MDGA2: variants seen among roughly 807,000 people sequenced by gnomAD.
The protein encoded by MDGA2 is MAM domain-containing glycosylphosphatidylinositol anchor protein 2.
MDGA2 carries 40 observed loss-of-function variants against 117.8 expected under a neutral mutation model. The observed-to-expected ratio is 0.34, with a 90% CI of 0.26 to 0.44. The LOEUF (loss-of-function observed/expected upper bound fraction) is 0.44. Among genes scored for constraint, MDGA2 ranks in the 20% least tolerant of loss-of-function variants. MDGA2 has a pLI of 1.00. For missense variants in MDGA2, 1,123 were observed against 1,250.6 expected (o/e 0.90, Z 1.54); for synonymous variants, 452 against 439.0 (o/e 1.03, Z -0.37).
chr14:47,247,209 A>G (rs1337797626), intron 2 of MDGA2, among the ~76,000 whole-genome samples: 1 of 151,668 alleles, frequency 6.6e-6, no homozygotes, highest in African/African-American at 2.4e-5. Context: ...TAAGGGTAGT[A>G]TTTAAACGAA....
At chr14:47,447,439 C>T (rs972671617) in intron 1 of MDGA2, among the ~76,000 whole-genome samples, 2 of 152,158 alleles carry the variant, frequency 1.3e-5, no homozygotes, top group Non-Finnish European at 2.9e-5. Flanking sequence ...GGTTATTGGG[C>T]TGCCTTGTAT....
chr14:47,514,119 C>T (rs1019828690), intron 1 of MDGA2, among the ~76,000 whole-genome samples: 2 of 152,090 alleles, frequency 1.3e-5, no homozygotes, highest in African/African-American at 4.8e-5. Context: ...ACCTTGACAG[C>T]CTTTTACTGT....
At chr14:47,308,257 A>T (rs190090363) in intron 1 of MDGA2, among the ~76,000 whole-genome samples, 1 of 152,276 alleles carries the variant, frequency 6.6e-6, no homozygotes, top group East Asian at 1.9e-4. Flanking sequence ...AGGCTTACTC[A>T]TATGTAAAAA....
intron 5 of MDGA2, among the ~76,000 whole-genome samples, chr14:47,128,601 T>C (rs1374631315): frequency 6.6e-6 from 1 of 152,070 alleles, no homozygotes; most frequent in Non-Finnish European, 1.5e-5. Flanking sequence ...CAATATCCAA[T>C]TTCCCCTTTT....
chr14:47,132,799 A>AT (rs1033948752), intron 4 of MDGA2, among the ~76,000 whole-genome samples: 4 of 151,824 alleles, frequency 2.6e-5, no homozygotes, highest in Non-Finnish European at 4.4e-5. Flanking sequence ...CAAAATGTTT[A>AT]TTTTTTCCAG....
chr14:46,899,902 T>C (rs1202445634), intron 10 of MDGA2, among the ~76,000 whole-genome samples: 1 of 152,022 alleles, frequency 6.6e-6, no homozygotes, highest in East Asian at 1.9e-4. Flanking sequence ...CAGTATAGTT[T>C]AAAAATTACA....
intron 9 of MDGA2, among the ~76,000 whole-genome samples, chr14:46,928,695 A>G (rs1413260071): frequency 2.0e-5 from 3 of 152,156 alleles, no homozygotes; most frequent in Non-Finnish European, 4.4e-5. Flanking sequence ...TTCCTCCTGC[A>G]GTTCCTCTCT....
At chr14:47,195,764 C>T (rs529163167) in intron 3 of MDGA2, among the ~76,000 whole-genome samples, 1 of 152,018 alleles carries the variant, frequency 6.6e-6, no homozygotes, top group Non-Finnish European at 1.5e-5. Flanking sequence ...TTACATATTC[C>T]CTTCAATCTG....
At chr14:46,953,690 T>A (rs1566542888) in intron 9 of MDGA2, among the ~76,000 whole-genome samples, 1 of 151,940 alleles carries the variant, frequency 6.6e-6, no homozygotes, top group Non-Finnish European at 1.5e-5. Context: ...AGTAAAAACA[T>A]AATGTCAGAA....
chr14:47,157,595 ATGTGTGTGTGTGTGTG>A (rs55697311), intron 3 of MDGA2, among the ~76,000 whole-genome samples: 1,815 of 144,514 alleles, frequency 0.013, 24 homozygotes, highest in South Asian at 0.062. Flanking sequence ...ATGTACATAT[ATGTGTGTGTGTGTGTG>A]TGTGTGTGTG....
At chr14:47,559,572 TTTTC>T (rs1231672878) in intron 1 of MDGA2, among the ~76,000 whole-genome samples, 3 of 151,030 alleles carry the variant, frequency 2.0e-5, no homozygotes, top group Non-Finnish European at 4.4e-5. Flanking sequence ...TTTTTTTTTC[TTTTC>T]TTTTTTTTTT....
chr14:47,324,666 C>T (rs1334233487), intron 1 of MDGA2, among the ~76,000 whole-genome samples: 3 of 151,774 alleles, frequency 2.0e-5, no homozygotes, highest in African/African-American at 7.3e-5. Flanking sequence ...TGACTATGAA[C>T]CTTTGTCTAT....
At chr14:47,105,962 G>C (rs1010972824) in intron 5 of MDGA2, among the ~76,000 whole-genome samples, 11 of 23,514 alleles carry the variant, frequency 4.7e-4, no homozygotes, top group African/African-American at 2.3e-3. Flanking sequence ...TTACAGTTTC[G>C]TTCCGTGACT....
chr14:47,254,597 A>G (rs1248452081), intron 2 of MDGA2, among the ~76,000 whole-genome samples: 1 of 152,152 alleles, frequency 6.6e-6, no homozygotes, highest in Non-Finnish European at 1.5e-5. Context: ...ACTTCCCTAC[A>G]TCTTCCTCTC....
chr14:46,958,653 G>C (rs561276373), intron 8 of MDGA2, among the ~76,000 whole-genome samples: 3 of 152,326 alleles, frequency 2.0e-5, no homozygotes, highest in Admixed American at 6.5e-5. Context: ...AGACAGTGAG[G>C]AAAAGGAGAG....
At chr14:47,019,615 G>T (rs1470081313) in intron 8 of MDGA2, among the ~76,000 whole-genome samples, 1 of 152,014 alleles carries the variant, frequency 6.6e-6, no homozygotes, top group Non-Finnish European at 1.5e-5. Flanking sequence ...AGGCCGAGGC[G>T]GGCGGATCAC....
Position 47,153,342 on chromosome 14 carries a change from C to T in MDGA2, c.596-9068G>A, listed in dbSNP as rs192955856. The stretch of plus-strand genomic sequence containing the variant: ...CTGAACTAGGTGAGTGATTAGAAAC[C>T]GGGCTGGGCAAAAGGTGGGAGTTAA... On this transcript the variant is annotated intron_variant, in intron 3 of 16. Coordinates refer to ENST00000399232, the MANE Select transcript of MDGA2 (RefSeq NM_001113498.3). Among the ~76,000 whole-genome samples the T allele has an allele frequency of 1.3e-4, 20 of 152,168 alleles. 1 individual carries two copies. Among genetic ancestry groups the T allele is most frequent in the African/African-American group, 3.9e-4 (16 of 41,522 alleles).
chr14:47,235,412 T>A (rs1393635873), intron 2 of MDGA2, among the ~76,000 whole-genome samples: 4 of 152,212 alleles, frequency 2.6e-5, no homozygotes, highest in African/African-American at 4.8e-5. Flanking sequence ...CTCGAAAGAA[T>A]AATGTGAACA....
At chr14:46,893,535 TAAG>T (rs1205867538) in intron 10 of MDGA2, among the ~76,000 whole-genome samples, 4 of 151,116 alleles carry the variant, frequency 2.6e-5, no homozygotes, top group Non-Finnish European at 1.5e-5. Context: ...TTGACAAACA[TAAG>T]AGAACTATAT....
Sources: allele counts gnomAD v4.1 joint callset (sites outside exome capture counted in the v4.1 genomes callset), GRCh38; gene constraint gnomAD v4.1.1; transcripts MANE v1.5; gene names NCBI Gene and HGNC (gene_info 2026-07-23, HGNC 2026-07-21).